GRM7: variants seen among roughly 807,000 people sequenced by gnomAD.
GRM7 encodes the protein glutamate metabotropic receptor 7.
A neutral mutation model predicts 84.5 loss-of-function variants in GRM7; 35 were observed. The observed-to-expected ratio is 0.41, with a 90% CI of 0.32 to 0.55. GRM7 has a LOEUF of 0.55. Among genes scored for constraint, GRM7 ranks in the 20% least tolerant of loss-of-function variants. The pLI is 0.19. For missense variants in GRM7, 1,003 were observed against 1,194.6 expected, an observed-to-expected ratio of 0.84 and a Z score of 2.36; for synonymous variants, 487 against 455.1, an observed-to-expected ratio of 1.07 and a Z score of -0.89.
At chr3:7,446,464 G>GT (rs370257829) in intron 5 of GRM7, among the ~76,000 whole-genome samples, 49,904 of 130,878 alleles carry the variant, frequency 0.38, 10,101 homozygotes, top group Non-Finnish European at 0.5. Flanking sequence ...TTTTTTTTTT[G>GT]TTTTTTTTTT....
At chr3:6,913,448 G>T (rs539587312) in intron 1 of GRM7, among the ~76,000 whole-genome samples, 3 of 152,272 alleles carry the variant, frequency 2.0e-5, no homozygotes, top group African/African-American at 7.2e-5. Flanking sequence ...AAATTGTGAG[G>T]ATGTGAATAA....
chr3:7,683,596 T>G (rs1357647562), intron 9 of GRM7, among the ~76,000 whole-genome samples: 2 of 152,184 alleles, frequency 1.3e-5, no homozygotes, highest in Non-Finnish European at 2.9e-5. Flanking sequence ...TCCAAAGAGC[T>G]TATCTGCACA....
intron 4 of GRM7, among the ~76,000 whole-genome samples, chr3:7,350,508 G>A (rs116460421): frequency 6.6e-5 from 10 of 151,974 alleles, no homozygotes; most frequent in African/African-American, 2.4e-4. Flanking sequence ...AGTTTCCTGA[G>A]TCCTCCCCAG....
chr3:7,298,112 C>T (rs765554447), intron 2 of GRM7, among the ~76,000 whole-genome samples: 3 of 152,028 alleles, frequency 2.0e-5, no homozygotes, highest in Non-Finnish European at 4.4e-5. Context: ...TTAATGATGG[C>T]TTAGGCACAT....
intron 1 of GRM7, among the ~76,000 whole-genome samples, chr3:7,076,969 A>G (rs1698106144): frequency 6.6e-6 from 1 of 152,210 alleles, no homozygotes; most frequent in South Asian, 2.1e-4. Flanking sequence ...AACATATGAA[A>G]AAATGCTCAT....
rs187714689 is a variant in GRM7, at chr3:7,365,472, A to G, written c.1034-49551A>G. 1.9e-4 allele frequency among the ~76,000 whole-genome samples: 29 copies of G among 151,646 alleles called. No individual in the cohort carries two copies. In the East Asian group the frequency reaches 4.9e-3, roughly 25 times the overall value. ...GTGTTCTCAAATGGTCTTCCAGTTCACTGATTATCTCTTTACGTATATCCA... is the reference window on the plus strand; with the variant it reads ...GTGTTCTCAAATGGTCTTCCAGTTCGCTGATTATCTCTTTACGTATATCCA... On this transcript the variant is annotated intron_variant, in intron 4 of 9. Transcript: ENST00000357716.
At chr3:7,670,306 C>T (rs1421480750) in intron 8 of GRM7, among the ~76,000 whole-genome samples, 1 of 152,098 alleles carries the variant, frequency 6.6e-6, no homozygotes, top group Non-Finnish European at 1.5e-5. Context: ...AAGATGCAGT[C>T]CAACAGCAAC....
intron 7 of GRM7, among the ~76,000 whole-genome samples, chr3:7,542,705 G>A (rs1259478787): frequency 2.0e-5 from 3 of 151,742 alleles, no homozygotes; most frequent in Non-Finnish European, 2.9e-5. Context: ...ATGCCACCAC[G>A]CCAGGCCAAT....
intron 2 of GRM7, among the ~76,000 whole-genome samples, chr3:7,289,001 A>G (rs2125007442): frequency 6.6e-6 from 1 of 152,294 alleles, no homozygotes; most frequent in Non-Finnish European, 1.5e-5. Context: ...TTCCCCATAT[A>G]CATGCAGGTA....
chr3:7,277,075 A>C (rs1699100045), intron 2 of GRM7, among the ~76,000 whole-genome samples: 1 of 151,924 alleles, frequency 6.6e-6, no homozygotes. Context: ...ACTATTGCAC[A>C]TAGCCACCAT....
At chr3:7,733,608 T>C (rs921713567) in intron 9 of GRM7, among the ~76,000 whole-genome samples, 2 of 152,196 alleles carry the variant, frequency 1.3e-5, no homozygotes, top group African/African-American at 2.4e-5. Flanking sequence ...CTTAACCTCC[T>C]GGGAATGCAG....
At chr3:7,008,525 A>G (rs115035794) in intron 1 of GRM7, among the ~76,000 whole-genome samples, 1,636 of 152,332 alleles carry the variant, frequency 0.011, 25 homozygotes, top group African/African-American at 0.037. Context: ...GAGAAACTCA[A>G]TTGTTTGGAA....
At chr3:6,912,944 A>T (rs1242801000) in intron 1 of GRM7, among the ~76,000 whole-genome samples, 2 of 152,184 alleles carry the variant, frequency 1.3e-5, no homozygotes, top group Non-Finnish European at 2.9e-5. Flanking sequence ...AAAAACAATT[A>T]CATGTTGTTT....
chr3:7,661,311 C>G (rs1392355015), intron 8 of GRM7, among the ~76,000 whole-genome samples: 1 of 152,150 alleles, frequency 6.6e-6, no homozygotes, highest in Non-Finnish European at 1.5e-5. Context: ...AGATATGTCA[C>G]CAAAGAAGAT....
chr3:7,175,790 G>T (rs1160047465), intron 2 of GRM7, among the ~76,000 whole-genome samples: 1 of 152,012 alleles, frequency 6.6e-6, no homozygotes, highest in Admixed American at 6.6e-5. Context: ...TGCCCGCCTT[G>T]GCCTCCCAAA....
intron 9 of GRM7, among the ~76,000 whole-genome samples, chr3:7,738,508 G>C (rs1195984102): frequency 1.3e-5 from 2 of 152,002 alleles, no homozygotes; most frequent in African/African-American, 4.8e-5. Context: ...CTTAATCCCA[G>C]CCAATGCTCA....
chr3:7,593,473 A>G (rs1316464878), intron 8 of GRM7, among the ~76,000 whole-genome samples: 4 of 152,244 alleles, frequency 2.6e-5, no homozygotes, highest in African/African-American at 9.6e-5. Flanking sequence ...ACAAACAAAT[A>G]GAAAATGACA....
intron 4 of GRM7, among the ~76,000 whole-genome samples, chr3:7,333,239 A>C (rs574637076): frequency 1.3e-5 from 2 of 152,192 alleles, no homozygotes; most frequent in South Asian, 4.1e-4. Flanking sequence ...AGACTCCCAC[A>C]GAGTCCACTT....
At chr3:7,487,248 A>G (rs1699355342) in intron 7 of GRM7, among the ~76,000 whole-genome samples, 1 of 152,192 alleles carries the variant, frequency 6.6e-6, no homozygotes, top group African/African-American at 2.4e-5. Flanking sequence ...ATTTAAAGAC[A>G]AAGTTTATAA....
Sources: allele counts gnomAD v4.1 joint callset (sites outside exome capture counted in the v4.1 genomes callset), GRCh38; gene constraint gnomAD v4.1.1; transcripts MANE v1.5; gene names NCBI Gene and HGNC (gene_info 2026-07-23, HGNC 2026-07-21).